ZNF454: variants seen among roughly 807,000 people sequenced by gnomAD.
ZNF454 encodes the protein zinc finger protein 454.
ZNF454 carries 30 observed loss-of-function variants against 48.2 expected under a neutral mutation model. The observed-to-expected ratio is 0.62, with a 90% CI of 0.47 to 0.84. ZNF454 has a LOEUF of 0.84. Among genes scored for constraint, ZNF454 ranks in the 40% least tolerant of loss-of-function variants. The pLI is 0.00. For missense variants in ZNF454, 510 were observed against 623.1 expected, an observed-to-expected ratio of 0.82 and a Z score of 1.93; for synonymous variants, 204 against 211.4, an observed-to-expected ratio of 0.97 and a Z score of 0.30.
At chr5:178,945,066 T>TG (rs145229740) in intron 2 of ZNF454, among the ~76,000 whole-genome samples, 6,831 of 125,320 alleles carry the variant, frequency 0.055, 248 homozygotes, top group Non-Finnish European at 0.079. Flanking sequence ...TCACAGGGTG[T>TG]GTGTGGGGGT....
chr5:178,965,803 C>A lies in ZNF454; in HGVS notation c.1399C>A (p.Pro467Thr). The stretch of plus-strand genomic sequence containing the variant: ...TAAGAGAATTCATACTAGGGAAAAA[C>A]CTTACAAATGTAAAATCTGTGAGAA... Reference protein sequence around the residue: ...QHKRIHTREKPYKCKICEKAF... With the variant: ...QHKRIHTREKTYKCKICEKAF... Residue 467 changes from proline to threonine, a missense_variant, in exon 5 of 5, where the codon CCT becomes ACT. Pro to Thr is a conservative substitution (Grantham distance 38). Transcript: ENST00000519564. This position sits in a 1 kb window ranked among gnomAD's most constrained non-coding sequence, Gnocchi z 5.2. The A allele has an allele frequency of 6.2e-7, 1 of 1,614,126 alleles. No individual in the cohort carries two copies. Among genetic ancestry groups the A allele is most frequent in the Non-Finnish European group, 8.5e-7 (1 of 1,180,030 alleles).
At chr5:178,971,494 G>C in the ZNF454 span, among the ~76,000 whole-genome samples, 1 of 152,078 alleles carries the variant, frequency 6.6e-6, no homozygotes, top group Non-Finnish European at 1.5e-5. Flanking sequence ...AGGAGGCCTG[G>C]CTCTGGCTGG....
chr5:178,964,571 GC>G, intron 4 of ZNF454, 83 bp from the exon 5 acceptor site: 1 of 1,023,806 alleles, frequency 9.8e-7, no homozygotes, highest in East Asian at 2.4e-5. Flanking sequence ...CTTTCTGTTA[GC>G]ATTATGAAGA....
chr5:178,981,493 G>A, the ZNF454 span: 1 of 608,632 alleles, frequency 1.6e-6, no homozygotes, highest in Non-Finnish European at 2.9e-6. This position sits in a 1 kb window ranked among gnomAD's most constrained non-coding sequence, Gnocchi z 5.1. Flanking sequence ...GGGTAGAGCT[G>A]GGTCCAGTTC....
chr5:178,976,968 G>A, the ZNF454 span, among the ~76,000 whole-genome samples: 1 of 152,148 alleles, frequency 6.6e-6, no homozygotes, highest in Non-Finnish European at 1.5e-5. Flanking sequence ...AGACTAATGT[G>A]CCCTCTCTGC....
chr5:178,946,699 T>C lies in ZNF454; in HGVS notation c.161-198T>C, dbSNP rs1759351426. Among the ~76,000 whole-genome samples, 1 of 152,198 alleles carries C rather than the reference T, an allele frequency of 6.6e-6. No homozygotes were observed. The highest frequency in any genetic ancestry group is 6.5e-5 in the Admixed American group (1 of 15,286). ...TGACTAGGGTCAAATGCTTTCTTTC[T>C]GGCAAGGAGGGGAACATGGGATAAG... On this transcript the variant is annotated intron_variant, in intron 3 of 4. Transcript: ENST00000519564. This position sits in a 1 kb window ranked among gnomAD's most constrained non-coding sequence, Gnocchi z 4.5.
At chr5:178,986,132 G>A in the ZNF454 span, 66 of 1,612,990 alleles carry the variant, frequency 4.1e-5, no homozygotes, top group Admixed American at 1.7e-4. Context: ...GGACCCACCT[G>A]CAGGGAGGTG....
At chr5:178,969,066 A>T, downstream of ZNF454, 1 of 359,938 alleles carries the variant, frequency 2.8e-6, no homozygotes, top group South Asian at 2.0e-5. Context: ...CCTATTAGAT[A>T]CGCCCAGGCT....
the ZNF454 span, among the ~76,000 whole-genome samples, chr5:178,973,225 C>T: frequency 6.6e-6 from 1 of 151,818 alleles, no homozygotes; most frequent in African/African-American, 2.4e-5. Context: ...CAAGACCACA[C>T]AGGCCCATTA....
In ZNF454 at chr5:178,946,958, A is replaced by T; in HGVS notation, c.222A>T (p.Pro74=). 1 of 1,614,126 alleles carries T rather than the reference A, an allele frequency of 6.2e-7. No homozygotes were observed. The highest frequency in any genetic ancestry group is 8.5e-7 in the Non-Finnish European group (1 of 1,179,996). ...TAGAAAAAAGGGAAGTGTGGATGCC[A>T]GAGGACACCCCTGGAGGCTTCTGTC... ...SQLEKREVWM[P]EDTPGGFCLD... is the part of the protein sequence containing the mutation. The change falls in exon 4 of 5, where the codon CCA becomes CCT. Residue 74 remains proline (P), a synonymous_variant. Transcript: ENST00000519564. This position sits in a 1 kb window ranked among gnomAD's most constrained non-coding sequence, Gnocchi z 4.5.
At chr5:178,987,539 C>T in the ZNF454 span, 4 of 433,514 alleles carry the variant, frequency 9.2e-6, 1 homozygote, top group South Asian at 4.9e-5. Flanking sequence ...ACATGATGCT[C>T]GGTGAAACAA....
the ZNF454 span, chr5:178,986,244 G>A: frequency 6.2e-7 from 1 of 1,614,198 alleles, no homozygotes; most frequent in Middle Eastern, 1.6e-4. Context: ...GGTTGGTCTT[G>A]GTGAGCAGGG....
chr5:178,973,836 T>C, the ZNF454 span, among the ~76,000 whole-genome samples: 14 of 106,454 alleles, frequency 1.3e-4, no homozygotes, highest in East Asian at 3.4e-3. Flanking sequence ...GAGCAAGACT[T>C]CATCTCAAAA....
Position 178,946,416 on chromosome 5 carries a change from C to T in ZNF454, c.91C>T (p.Leu31=). The T allele has an allele frequency of 6.2e-7, 1 of 1,613,122 alleles. No individual in the cohort carries two copies. Among genetic ancestry groups the T allele is most frequent in the Non-Finnish European group, 8.5e-7 (1 of 1,179,632 alleles). Residue 31 remains leucine (L), a synonymous_variant, in exon 3 of 5, where the codon CTG becomes TTG. Coordinates refer to ENST00000519564, the MANE Select transcript of ZNF454 (RefSeq NM_001178089.3). The surrounding 1 kb of genome is among the most constrained non-coding windows in gnomAD (Gnocchi z 4.5). The stretch of plus-strand genomic sequence containing the variant: ...GTTCACCCAGGAAGAGTGGGGGCAG[C>T]TGAGCCCCGCCCAGAGGGCCCTGTA... ...ILFTQEEWGQ[L]SPAQRALYRD... is the part of the protein sequence containing the mutation.
At chr5:178,983,125 C>G in the ZNF454 span, 3 of 1,613,900 alleles carry the variant, frequency 1.9e-6, no homozygotes, top group Non-Finnish European at 2.5e-6. Flanking sequence ...CACTTGAGCA[C>G]CCCTCTGGCC....
At chr5:178,962,446 A>G (rs931669813) in intron 4 of ZNF454, among the ~76,000 whole-genome samples, 4 of 151,298 alleles carry the variant, frequency 2.6e-5, no homozygotes, top group Non-Finnish European at 4.4e-5. Flanking sequence ...ATGTTTTACT[A>G]TGGATATTTT....
At chr5:178,987,900 T>A in the ZNF454 span, among the ~76,000 whole-genome samples, 2,630 of 144,806 alleles carry the variant, frequency 0.018, 119 homozygotes, top group African/African-American at 0.063. Context: ...GCTGGGATTA[T>A]AGGCACCCGT....
the ZNF454 span, chr5:178,985,712 AAAC>A: frequency 2.6e-3 from 1,077 of 413,366 alleles, 25 homozygotes; most frequent in African/African-American, 0.014. Flanking sequence ...AAAAAAAAAA[AAAC>A]AAAACAACAC....
In ZNF454 at chr5:178,941,354, T is replaced by C. The variant is rs1759079828; in HGVS notation, c.-198T>C. ...GAGAGCGGGAGCGGTCGTGAGGTCG[T>C]CTGGGGAGAAGGGCGGAGGCAAAGC... On this transcript the variant is annotated 5_prime_UTR_variant, in exon 1 of 5. Coordinates refer to ENST00000519564, the MANE Select transcript of ZNF454 (RefSeq NM_001178089.3). This position sits in a 1 kb window ranked among gnomAD's most constrained non-coding sequence, Gnocchi z 5.5. 2.2e-6 allele frequency: 1 copy of C among 454,008 alleles called. No individual in the cohort carries two copies. The highest frequency in any genetic ancestry group is 2.0e-5 in the African/African-American group (1 of 49,930). 28.1% of individuals were successfully genotyped at this position (454,008 alleles called of 1,614,324 possible).
Sources: allele counts gnomAD v4.1 joint callset (sites outside exome capture counted in the v4.1 genomes callset), GRCh38; gene constraint gnomAD v4.1.1; non-coding constraint Gnocchi (gnomAD v3.1); transcripts MANE v1.5; gene names NCBI Gene and HGNC (gene_info 2026-07-23, HGNC 2026-07-21).